The following CSMD3 variants were observed in gnomAD, a reference collection of about 807,000 sequenced individuals.
The protein encoded by CSMD3 is CUB and Sushi multiple domains 3.
A neutral mutation model predicts 435.2 loss-of-function variants in CSMD3; 177 were observed. The ratio of observed to expected loss-of-function variants is 0.41; its 90% confidence interval spans 0.36 to 0.46. The LOEUF (loss-of-function observed/expected upper bound fraction) is 0.46, where lower values mean the gene tolerates loss of function less well. CSMD3 is among the 20% of genes least tolerant of loss of function. CSMD3 has a pLI of 0.34. For missense variants in CSMD3, 4,265 were observed against 4,504.6 expected, an observed-to-expected ratio of 0.95 and a Z score of 1.52; for synonymous variants, 1,656 against 1,520.5, an observed-to-expected ratio of 1.09 and a Z score of -2.07.
At position 112,525,468 on chromosome 8, in the gene CSMD3, C is replaced by A. The variant is rs544230862; in HGVS notation, c.4565-8243G>T. 1.2e-3 allele frequency among the ~76,000 whole-genome samples: 186 copies of A among 150,482 alleles called. 1 individual carries two copies. The Middle Eastern group carries it at 0.017, about 14-fold the overall frequency. ...GGGAGCAGTGGCTCACGCCTGTAATCCCAGCACTATGGTGGACCGAGGCGG... is the reference window on the plus strand; with the variant it reads ...GGGAGCAGTGGCTCACGCCTGTAATACCAGCACTATGGTGGACCGAGGCGG... On this transcript the variant is annotated intron_variant, in intron 27 of 70. Transcript: ENST00000297405.
intron 1 of CSMD3, among the ~76,000 whole-genome samples, chr8:113,333,880 A>G (rs1253451228): frequency 6.6e-6 from 1 of 151,894 alleles, no homozygotes; most frequent in Admixed American, 6.6e-5. Context: ...GTTTCACTAC[A>G]AGAGACTTTC....
intron 1 of CSMD3, among the ~76,000 whole-genome samples, chr8:113,427,443 T>A (rs1366152423): frequency 2.0e-5 from 3 of 150,382 alleles, no homozygotes; most frequent in East Asian, 1.9e-4. Flanking sequence ...GGCACAGTGG[T>A]CTCTCCATTC....
intron 22 of CSMD3, among the ~76,000 whole-genome samples, chr8:112,599,051 G>A (rs1438213495): frequency 3.2e-4 from 48 of 148,434 alleles, no homozygotes; most frequent in Admixed American, 5.4e-4. Flanking sequence ...CTTCTGCACA[G>A]CAAAAGAAAC....
At chr8:112,681,182 G>A (rs923972036) in intron 16 of CSMD3, among the ~76,000 whole-genome samples, 1 of 151,366 alleles carries the variant, frequency 6.6e-6, no homozygotes, top group African/African-American at 2.4e-5. Context: ...CTACAGGCAT[G>A]TGCCACCACA....
intron 32 of CSMD3, among the ~76,000 whole-genome samples, chr8:112,451,038 A>T (rs1816204304): frequency 6.6e-6 from 1 of 152,216 alleles, no homozygotes; most frequent in Non-Finnish European, 1.5e-5. Flanking sequence ...CATTGGTACA[A>T]ATATATGATG....
At chr8:112,734,582 T>C (rs920656306) in intron 13 of CSMD3, among the ~76,000 whole-genome samples, 1 of 151,992 alleles carries the variant, frequency 6.6e-6, no homozygotes, top group Non-Finnish European at 1.5e-5. Context: ...GCTGAATTTG[T>C]AAAGATTTTT....
chr8:112,510,434 C>T (rs1445293252), intron 28 of CSMD3, among the ~76,000 whole-genome samples: 2 of 152,136 alleles, frequency 1.3e-5, no homozygotes, highest in Non-Finnish European at 2.9e-5. Flanking sequence ...CATGACTTTA[C>T]TCATTTTGTT....
chr8:113,090,799 C>T (rs1397307568), intron 5 of CSMD3, among the ~76,000 whole-genome samples: 1 of 152,080 alleles, frequency 6.6e-6, no homozygotes, highest in Non-Finnish European at 1.5e-5. Context: ...GAAATCTCAA[C>T]CCTATTCAAA....
chr8:113,230,931 G>C (rs1480247546), intron 3 of CSMD3, among the ~76,000 whole-genome samples: 2 of 151,140 alleles, frequency 1.3e-5, no homozygotes, highest in Non-Finnish European at 3.0e-5. Flanking sequence ...TGCCATTTCT[G>C]TTCATTTTCA....
chr8:113,286,285 T>C (rs780251942), intron 2 of CSMD3, among the ~76,000 whole-genome samples: 15 of 152,136 alleles, frequency 9.9e-5, no homozygotes, highest in Non-Finnish European at 1.5e-4. Context: ...GATAACGATA[T>C]TTTATACTGA....
At chr8:113,321,495 C>T (rs1047632862) in intron 1 of CSMD3, among the ~76,000 whole-genome samples, 2 of 151,994 alleles carry the variant, frequency 1.3e-5, no homozygotes, top group African/African-American at 4.8e-5. Flanking sequence ...TAAAGTGTCA[C>T]TTGTCATTTA....
intron 5 of CSMD3, among the ~76,000 whole-genome samples, chr8:113,031,194 T>C (rs2087093890): frequency 1.3e-5 from 2 of 151,666 alleles, no homozygotes; most frequent in South Asian, 4.2e-4. Context: ...AACCTGTACA[T>C]GAATCTTCAA....
At chr8:112,643,232 T>C (rs1475480131) in intron 20 of CSMD3, among the ~76,000 whole-genome samples, 3 of 152,012 alleles carry the variant, frequency 2.0e-5, no homozygotes, top group African/African-American at 7.2e-5. Flanking sequence ...TTTTAAACAA[T>C]CAAATATGGA....
At chr8:113,288,130 A>G (rs1035827204) in intron 2 of CSMD3, among the ~76,000 whole-genome samples, 7 of 151,870 alleles carry the variant, frequency 4.6e-5, no homozygotes, top group Non-Finnish European at 7.4e-5. Context: ...ATAAGATGAT[A>G]TTGACAGTAT....
chr8:113,058,905 G>C lies in CSMD3; in HGVS notation c.918-39726C>G, dbSNP rs143822142. Among the ~76,000 whole-genome samples, 425 of 151,988 alleles carry C rather than the reference G, an allele frequency of 2.8e-3. 2 individuals carry two copies. The highest frequency in any genetic ancestry group is 9.5e-3 in the African/African-American group (395 of 41,494). On this transcript the variant is annotated intron_variant, in intron 5 of 70. Transcript: ENST00000297405. ...AAATACAGTAAAAAGAAGTATACTG[G>C]AGATAATATAGACTTCAACAAATTA...
chr8:112,462,183 G>T (rs149167328), intron 32 of CSMD3, among the ~76,000 whole-genome samples: 1 of 152,278 alleles, frequency 6.6e-6, no homozygotes, highest in East Asian at 1.9e-4. Flanking sequence ...TACCATCATT[G>T]ACTTTATGAC....
intron 45 of CSMD3, among the ~76,000 whole-genome samples, chr8:112,320,862 G>C (rs891910253): frequency 2.0e-5 from 3 of 152,184 alleles, no homozygotes; most frequent in Middle Eastern, 3.4e-3. Context: ...GTCTTGCCAT[G>C]CTACTTTAAT....
intron 38 of CSMD3, among the ~76,000 whole-genome samples, chr8:112,367,616 C>A (rs1586893803): frequency 6.6e-6 from 1 of 152,078 alleles, no homozygotes; most frequent in South Asian, 2.1e-4. Flanking sequence ...GCTGCCATTT[C>A]ATCTACACAA....
At chr8:113,428,143 T>G (rs532348464) in intron 1 of CSMD3, among the ~76,000 whole-genome samples, 1 of 151,756 alleles carries the variant, frequency 6.6e-6, no homozygotes, top group African/African-American at 2.4e-5. Flanking sequence ...ATTAGTCAAG[T>G]TAAGTGAAAG....
Sources: allele counts gnomAD v4.1 joint callset (sites outside exome capture counted in the v4.1 genomes callset), GRCh38; gene constraint gnomAD v4.1.1; transcripts MANE v1.5; gene names NCBI Gene and HGNC (gene_info 2026-07-23, HGNC 2026-07-21).